Variants in CA10 observed in about 807,000 individuals in gnomAD.
CA10 encodes the protein carbonic anhydrase 10 (inactive).
A neutral mutation model predicts 44.2 loss-of-function variants in CA10; 14 were observed. That is an observed-to-expected ratio of 0.32 (90% CI 0.21 to 0.50). The LOEUF is 0.50. CA10 is among the 20% of genes least tolerant of loss of function. The pLI, the probability that CA10 is intolerant of heterozygous loss-of-function variation, is 0.99. For synonymous variants in CA10, 159 were observed against 141.6 expected, an observed-to-expected ratio of 1.12 and a Z score of -0.87; for missense variants, 350 against 409.7, an observed-to-expected ratio of 0.85 and a Z score of 1.26.
At chr17:51,872,981 A>G (rs1979884951) in intron 3 of CA10, among the ~76,000 whole-genome samples, 1 of 152,248 alleles carries the variant, frequency 6.6e-6, no homozygotes, top group East Asian at 1.9e-4. Flanking sequence ...TGAGAGATAT[A>G]TATCAACAAT....
chr17:51,850,518 G>A (rs1476567428), intron 3 of CA10, among the ~76,000 whole-genome samples: 1 of 152,126 alleles, frequency 6.6e-6, no homozygotes, highest in Admixed American at 6.6e-5. Flanking sequence ...AATAGGTGAG[G>A]TCTCTGCTAA....
At chr17:51,895,906 A>T (rs978722916) in intron 3 of CA10, among the ~76,000 whole-genome samples, 3 of 152,114 alleles carry the variant, frequency 2.0e-5, no homozygotes, top group African/African-American at 7.2e-5. Flanking sequence ...ACTGTAAATA[A>T]AAAATAAGAA....
At chr17:51,677,639 C>T (rs1914672626) in intron 4 of CA10, among the ~76,000 whole-genome samples, 1 of 151,934 alleles carries the variant, frequency 6.6e-6, no homozygotes, top group African/African-American at 2.4e-5. Context: ...CAAATATGTA[C>T]ATAAAAAGAG....
chr17:52,037,233 C>A (rs539033579), intron 2 of CA10, among the ~76,000 whole-genome samples: 1 of 152,110 alleles, frequency 6.6e-6, no homozygotes, highest in African/African-American at 2.4e-5. Flanking sequence ...TATCACCCTG[C>A]AATATTATGT....
At chr17:51,970,077 T>C (rs185138040) in intron 2 of CA10, among the ~76,000 whole-genome samples, 2 of 152,072 alleles carry the variant, frequency 1.3e-5, no homozygotes, top group Admixed American at 1.3e-4. Context: ...CTCAGGCCAA[T>C]GTAGATTTTT....
chr17:52,134,720 C>T (rs1989313863), intron 1 of CA10, among the ~76,000 whole-genome samples: 1 of 152,090 alleles, frequency 6.6e-6, no homozygotes, highest in South Asian at 2.1e-4. Context: ...GCACATCTGC[C>T]TCTTCCCTTC....
At position 51,667,322 on chromosome 17, in the gene CA10, T is replaced by C. The variant is rs575821808; in HGVS notation, c.466-13586A>G. Among the ~76,000 whole-genome samples, 5 of 152,308 alleles carry C rather than the reference T, an allele frequency of 3.3e-5. No homozygotes were observed. The South Asian group carries it at 1.0e-3, about 32-fold the overall frequency. ...ACAGTGGGGTCTGAGCAAGTCTTCA[T>C]TGTGTGTGATTGCCCCTTGCTTGCA... On this transcript the variant is annotated intron_variant, in intron 4 of 8. Transcript: ENST00000451037.
intron 3 of CA10, among the ~76,000 whole-genome samples, chr17:51,830,112 G>T (rs547424351): frequency 6.8e-6 from 1 of 147,080 alleles, no homozygotes; most frequent in Non-Finnish European, 1.5e-5. Context: ...CAGGAGAATC[G>T]CTTGAACCCG....
chr17:51,702,113 C>A (rs377743229), intron 4 of CA10, among the ~76,000 whole-genome samples: 3 of 146,352 alleles, frequency 2.0e-5, no homozygotes, highest in East Asian at 1.9e-4. Flanking sequence ...TCCTAAAAAT[C>A]ATTCATTTGT....
At chr17:51,673,018 A>G (rs1914482314) in intron 4 of CA10, among the ~76,000 whole-genome samples, 1 of 152,168 alleles carries the variant, frequency 6.6e-6, no homozygotes, top group African/African-American at 2.4e-5. Flanking sequence ...GCTGAGACAA[A>G]ACACACACCT....
At chr17:51,828,796 G>T (rs1482693765) in intron 3 of CA10, among the ~76,000 whole-genome samples, 2 of 152,142 alleles carry the variant, frequency 1.3e-5, no homozygotes, top group African/African-American at 2.4e-5. Flanking sequence ...ATCTTTCAAA[G>T]ATTTACTGGT....
At chr17:51,990,926 T>C (rs1985016797) in intron 2 of CA10, among the ~76,000 whole-genome samples, 1 of 152,156 alleles carries the variant, frequency 6.6e-6, no homozygotes, top group East Asian at 1.9e-4. Context: ...ATAAAACAGA[T>C]ACCAGAAACA....
At chr17:52,090,365 T>G (rs1398774160) in intron 1 of CA10, among the ~76,000 whole-genome samples, 1 of 152,184 alleles carries the variant, frequency 6.6e-6, no homozygotes, top group Non-Finnish European at 1.5e-5. Context: ...ATATCAAAAC[T>G]TTATAAAGTT....
intron 2 of CA10, among the ~76,000 whole-genome samples, chr17:52,030,329 G>A: frequency 6.6e-6 from 1 of 152,166 alleles, no homozygotes; most frequent in East Asian, 1.9e-4. Flanking sequence ...TTGCAAAACA[G>A]TGGGATAACA....
intron 2 of CA10, among the ~76,000 whole-genome samples, chr17:51,995,672 A>C (rs1163162059): frequency 2.6e-5 from 4 of 152,068 alleles, no homozygotes. Context: ...ATATCTGAGA[A>C]AGTTATGTGT....
intron 3 of CA10, among the ~76,000 whole-genome samples, chr17:51,796,407 G>A (rs772302618): frequency 5.3e-5 from 8 of 152,176 alleles, no homozygotes; most frequent in Non-Finnish European, 1.2e-4. Context: ...GGGATTGCAA[G>A]TTCAAGTGTC....
At chr17:52,006,061 G>A (rs906813945) in intron 2 of CA10, among the ~76,000 whole-genome samples, 9 of 151,824 alleles carry the variant, frequency 5.9e-5, no homozygotes, top group African/African-American at 2.2e-4. Context: ...GTAATGAGAT[G>A]GCCAAAGAGA....
chr17:51,646,056 G>A (rs9905378), intron 6 of CA10, among the ~76,000 whole-genome samples: 99,459 of 152,104 alleles, frequency 0.65, 33,441 homozygotes, highest in South Asian at 0.76. Context: ...TTGCAGACCT[G>A]TAGCTGGAAG....
At chr17:52,146,460 G>C (rs1260392844) in intron 1 of CA10, among the ~76,000 whole-genome samples, 1 of 151,886 alleles carries the variant, frequency 6.6e-6, no homozygotes, top group African/African-American at 2.4e-5. Flanking sequence ...GGAGGCTGAG[G>C]CGGGCGGATC....
Sources: gnomAD v4.1 joint callset for allele counts (sites outside exome capture counted in the v4.1 genomes callset) on GRCh38, gnomAD v4.1.1 for gene constraint, MANE v1.5 for transcripts, NCBI Gene and HGNC (gene_info 2026-07-23, HGNC 2026-07-21) for gene names.